NUDC: variants seen among roughly 807,000 people sequenced by gnomAD.
NUDC encodes nuclear distribution C, dynein complex regulator.
A neutral mutation model predicts 45.0 loss-of-function variants in NUDC; 14 were observed. That is an observed-to-expected ratio of 0.31 (90% CI 0.21 to 0.49). NUDC has a LOEUF of 0.49. Ranked by LOEUF, NUDC falls within the 20% of genes least tolerant of loss-of-function variation. The pLI, the probability that NUDC is intolerant of heterozygous loss-of-function variation, is 0.99. For missense variants in NUDC, 323 were observed against 426.2 expected (o/e 0.76, Z 2.13); for synonymous variants, 153 against 156.7 (o/e 0.98, Z 0.17).
intron 2 of NUDC, among the ~76,000 whole-genome samples, chr1:26,905,976 G>A (rs981612783): frequency 7.9e-5 from 12 of 151,904 alleles, no homozygotes; most frequent in Admixed American, 5.9e-4. Context: ...GTGAAACCCC[G>A]CCTTTACTAA....
chr1:26,919,353 GTTAT>G (rs1365665865), upstream of NUDC, among the ~76,000 whole-genome samples: 1 of 152,084 alleles, frequency 6.6e-6, no homozygotes, highest in African/African-American at 2.4e-5. Context: ...CCATCAACTC[GTTAT>G]TTAACTCCGC....
upstream of NUDC, among the ~76,000 whole-genome samples, chr1:26,917,689 A>G (rs1234785157): frequency 6.6e-6 from 1 of 151,986 alleles, no homozygotes; most frequent in Non-Finnish European, 1.5e-5. Context: ...GGAATTTGAG[A>G]CCGGCCTGGC....
At chr1:26,924,569 T>C (rs2082116153) in intron 2 of NUDC, among the ~76,000 whole-genome samples, 1 of 152,238 alleles carries the variant, frequency 6.6e-6, no homozygotes, top group South Asian at 2.1e-4. Flanking sequence ...TTATTTATTT[T>C]CTGAGACAGA....
chr1:26,931,978 G>A (rs976871501), intron 2 of NUDC, among the ~76,000 whole-genome samples: 3 of 149,308 alleles, frequency 2.0e-5, no homozygotes, highest in South Asian at 2.1e-4. Flanking sequence ...GAGCCACCAC[G>A]CTTGGCCCCT....
Position 26,946,489 on chromosome 1 carries a change from A to G in NUDC, c.*308A>G. ...ACTGGGAGTTTGGCTTCTAGCCCAGATTCTGCCATGTGACCTAGGGCACAT... is the reference window on the plus strand; with the variant it reads ...ACTGGGAGTTTGGCTTCTAGCCCAGGTTCTGCCATGTGACCTAGGGCACAT... On this transcript the variant is annotated 3_prime_UTR_variant, in exon 9 of 9. Coordinates refer to ENST00000321265, the MANE Select transcript of NUDC (RefSeq NM_006600.4). The G allele has an allele frequency of 2.3e-6, 1 of 437,778 alleles. No homozygotes were observed. Among genetic ancestry groups the G allele is most frequent in the Non-Finnish European group, 4.3e-6 (1 of 234,824 alleles). 27.1% of individuals were successfully genotyped at this position (437,778 alleles called of 1,614,324 possible).
chr1:26,924,279 T>A (rs1049989468), intron 2 of NUDC, 113 bp downstream of exon 2: 10 of 877,384 alleles, frequency 1.1e-5, no homozygotes, highest in Non-Finnish European at 1.9e-5. Flanking sequence ...ATGCCAAAGG[T>A]GAGGAATTGG....
chr1:26,908,698 C>T (rs556423332), intron 2 of NUDC, among the ~76,000 whole-genome samples: 2 of 152,200 alleles, frequency 1.3e-5, no homozygotes, highest in African/African-American at 4.8e-5. Context: ...GCTGGGACTA[C>T]AGACATAAGC....
At chr1:26,900,350 G>A in exon 1 of NUDC, 2 of 1,614,072 alleles carry the variant, frequency 1.2e-6, no homozygotes, top group East Asian at 2.2e-5. Flanking sequence ...GGCTAAAATA[G>A]CTCCGTAAAT....
intron 3 of NUDC, chr1:26,913,336 C>G (rs1370916436): frequency 3.7e-6 from 5 of 1,366,902 alleles, no homozygotes; most frequent in Non-Finnish European, 4.2e-6. Flanking sequence ...GATATCAAAC[C>G]CTTAGAAGCT....
intron 2 of NUDC, among the ~76,000 whole-genome samples, chr1:26,937,393 T>C (rs1433417257): frequency 6.6e-6 from 1 of 151,554 alleles, no homozygotes; most frequent in Admixed American, 6.6e-5. Context: ...AGTCCTTCCA[T>C]CTTAGCCTCC....
rs1310554742 is a variant in NUDC at position 26,900,506 on chromosome 1, C to T, written c.-101+106C>T. On this transcript the variant is annotated intron_variant, in intron 1 of 6. Coordinates refer to the NUDC transcript ENST00000435827. ...GAGAACACCGCGAGCAACGTTCCAG[C>T]CCCTGCGTTGCGAGATTGTGAAAAT... 3.7e-5 allele frequency: 51 copies of T among 1,377,622 alleles called. No individual in the cohort carries two copies. The South Asian group carries it at 3.8e-4, about 10-fold the overall frequency. The allele number at this position is 1,377,622 out of a possible 1,614,324, so 85.3% of individuals were successfully genotyped here. A position where few individuals can be genotyped will look rare whatever the true frequency, so the allele number is the denominator to read the frequency against.
intron 2 of NUDC, among the ~76,000 whole-genome samples, chr1:26,938,953 C>A (rs1226480290): frequency 2.6e-5 from 4 of 152,146 alleles, no homozygotes; most frequent in Non-Finnish European, 5.9e-5. Flanking sequence ...GCCAGGTGAC[C>A]TGAGAATGGG....
chr1:26,904,699 G>C (rs150962449), intron 2 of NUDC, among the ~76,000 whole-genome samples: 1 of 152,064 alleles, frequency 6.6e-6, no homozygotes, highest in African/African-American at 2.4e-5. Flanking sequence ...GTGTAACCTC[G>C]AGCACTTTAC....
In NUDC at chr1:26,921,778, G is replaced by A. The variant is rs1262603078; in HGVS notation, c.-71G>A. On this transcript the variant is annotated 5_prime_UTR_variant, in exon 1 of 9. Coordinates refer to ENST00000321265, the MANE Select transcript of NUDC (RefSeq NM_006600.4). ...GACGACTAGAGTCGTTGGGCCCGGC[G>A]CGACCCGCAGGAGCGTAGAGAGCGC... 6.7e-7 allele frequency: 1 copy of A among 1,493,618 alleles called. No homozygotes were observed. The highest frequency in any genetic ancestry group is 9.1e-7 in the Non-Finnish European group (1 of 1,098,170). 92.5% of individuals were successfully genotyped at this position (1,493,618 alleles called of 1,614,324 possible). A position where few individuals can be genotyped will look rare whatever the true frequency, so the allele number is the denominator to read the frequency against.
At chr1:26,928,731 T>G (rs1360963030) in intron 2 of NUDC, among the ~76,000 whole-genome samples, 1 of 152,130 alleles carries the variant, frequency 6.6e-6, no homozygotes, top group South Asian at 2.1e-4. Context: ...CTATTTCACA[T>G]CTGTTAGGAT....
intron 1 of NUDC, among the ~76,000 whole-genome samples, chr1:26,900,756 A>G (rs187616852): frequency 4.5e-4 from 68 of 152,166 alleles, no homozygotes; most frequent in African/African-American, 8.9e-4. Flanking sequence ...CCTAATCTCA[A>G]CCTTCCTCAG....
intron 2 of NUDC, among the ~76,000 whole-genome samples, chr1:26,909,478 G>A (rs1433837972): frequency 6.6e-6 from 1 of 152,096 alleles, no homozygotes; most frequent in Non-Finnish European, 1.5e-5. Context: ...ATAAGTTGAG[G>A]GAAAAAGCCT....
At chr1:26,915,006 TATATGTATATTTATATG>T (rs2082054328) in intron 3 of NUDC, among the ~76,000 whole-genome samples, 1 of 147,560 alleles carries the variant, frequency 6.8e-6, no homozygotes, top group East Asian at 2.0e-4. Context: ...TATGTATATG[TATATGTATATTTATATG>T]TATATGTGTA....
intron 2 of NUDC, among the ~76,000 whole-genome samples, chr1:26,940,295 G>A (rs2082266244): frequency 6.6e-6 from 1 of 152,000 alleles, no homozygotes; most frequent in Admixed American, 6.6e-5. Context: ...TGACCAACAT[G>A]GAGAAACCCC....
Sources: allele counts gnomAD v4.1 joint callset (sites outside exome capture counted in the v4.1 genomes callset), GRCh38; gene constraint gnomAD v4.1.1; transcripts MANE v1.5; gene names NCBI Gene and HGNC (gene_info 2026-07-23, HGNC 2026-07-21).